Variants in EDA observed in about 807,000 individuals in gnomAD.
The protein encoded by EDA is ectodysplasin-A.
Under a neutral mutation model 23.6 loss-of-function variants are expected in EDA, and 2 were observed. The observed-to-expected ratio is 0.08, with a 90% confidence interval of 0.03 to 0.27. The LOEUF is 0.27. Among genes scored for constraint, EDA ranks in the 10% least tolerant of loss-of-function variants. The pLI, the probability that EDA is intolerant of heterozygous loss-of-function variation, is 1.00. For synonymous variants in EDA, 131 were observed against 132.0 expected (o/e 0.99, Z 0.05); for missense variants, 229 against 324.2 (o/e 0.71, Z 2.26).
intron 1 of EDA, among the ~76,000 whole-genome samples, chrX:69,686,653 C>G (rs960320771): frequency 1.8e-5 from 2 of 111,367 alleles, no homozygotes; most frequent in African/African-American, 6.5e-5. Flanking sequence ...ATAGATTTGA[C>G]CATTCTGGAC....
chrX:69,908,580 C>T (rs978193964), intron 1 of EDA, among the ~76,000 whole-genome samples: 1 of 110,133 alleles, frequency 9.1e-6, no homozygotes, highest in Non-Finnish European at 1.9e-5. Context: ...TACCATACTT[C>T]AGGAATCACT....
intron 1 of EDA, chrX:69,693,014 G>A (rs1346300673): frequency 8.9e-6 from 1 of 111,863 alleles, no homozygotes; most frequent in Non-Finnish European, 1.9e-5. Context: ...TTCTTTGAAT[G>A]TATAGAGCAC....
intron 1 of EDA, chrX:69,756,907 A>G (rs1213947727): frequency 2.7e-5 from 3 of 111,935 alleles, no homozygotes; most frequent in Admixed American, 9.5e-5. Context: ...GGGAAGAGGT[A>G]TGAGAGGTTT....
At chrX:69,727,148 C>G (rs2490728) in intron 1 of EDA, among the ~76,000 whole-genome samples, 2 of 111,028 alleles carry the variant, frequency 1.8e-5, no homozygotes, top group Admixed American at 1.9e-4. Context: ...CCCCAGAGTT[C>G]GGCTGTCCGC....
At chrX:69,755,348 G>A (rs748668947) in intron 1 of EDA, among the ~76,000 whole-genome samples, 1 of 111,647 alleles carries the variant, frequency 9.0e-6, no homozygotes, top group South Asian at 3.8e-4. Flanking sequence ...GTTTTTGCCA[G>A]GGTATCACCA....
chrX:69,967,889 G>A (rs2019196626), intron 2 of EDA, among the ~76,000 whole-genome samples: 1 of 111,853 alleles, frequency 8.9e-6, no homozygotes. Flanking sequence ...GAAAGATGTT[G>A]GCAACGCTGG....
chrX:69,715,392 C>T (rs1353713835), intron 1 of EDA, among the ~76,000 whole-genome samples: 1 of 111,188 alleles, frequency 9.0e-6, no homozygotes, highest in East Asian at 2.8e-4. Context: ...GCCTCAAGCT[C>T]CATCCATGTT....
chrX:69,913,344 G>A (rs1466867961), intron 1 of EDA, among the ~76,000 whole-genome samples: 1 of 112,425 alleles, frequency 8.9e-6, no homozygotes, highest in Non-Finnish European at 1.9e-5. Context: ...ATAACCTGCT[G>A]CAGCATCTAT....
intron 1 of EDA, among the ~76,000 whole-genome samples, chrX:69,784,114 C>G (rs1432374794): frequency 1.0e-5 from 1 of 95,515 alleles, no homozygotes; most frequent in Non-Finnish European, 2.2e-5. Context: ...TGTTCATGTC[C>G]TTCACCCACT....
chrX:70,010,235 C>A (rs2019857239), intron 2 of EDA, among the ~76,000 whole-genome samples: 1 of 111,912 alleles, frequency 8.9e-6, no homozygotes, highest in Admixed American at 9.5e-5. Flanking sequence ...ATAGTAGATT[C>A]CTCTATTTCT....
chrX:69,628,570 G>T (rs1224944713), intron 1 of EDA, among the ~76,000 whole-genome samples: 1 of 111,274 alleles, frequency 9.0e-6, no homozygotes, highest in Non-Finnish European at 1.9e-5. Flanking sequence ...TTTCTGTTTG[G>T]ATTCCCAGCT....
At chrX:69,643,333 G>A (rs1932862903) in intron 1 of EDA, among the ~76,000 whole-genome samples, 2 of 109,694 alleles carry the variant, frequency 1.8e-5, no homozygotes, top group Non-Finnish European at 3.8e-5. Context: ...TTTGTTACAT[G>A]GGTAAACATG....
At chrX:69,620,968 A>G (rs1368209990) in intron 1 of EDA, 1 of 360,415 alleles carries the variant, frequency 2.8e-6, no homozygotes, top group Admixed American at 3.1e-5. Flanking sequence ...GTTCCACTGG[A>G]AATGTTTCAC....
chrX:69,688,800 G>A (rs891186425), intron 1 of EDA, among the ~76,000 whole-genome samples: 1 of 112,108 alleles, frequency 8.9e-6, no homozygotes, highest in African/African-American at 3.2e-5. Flanking sequence ...TGAAACTGCA[G>A]AAGTAGCAAG....
At chrX:70,032,013 C>T (rs956554675) in intron 6 of EDA, among the ~76,000 whole-genome samples, 1 of 111,184 alleles carries the variant, frequency 9.0e-6, no homozygotes, top group Non-Finnish European at 1.9e-5. Context: ...AATCCCAGCA[C>T]TTTGGGAGGC....
intron 2 of EDA, among the ~76,000 whole-genome samples, chrX:69,964,102 C>T (rs911743124): frequency 1.8e-5 from 2 of 110,975 alleles, no homozygotes; most frequent in African/African-American, 3.3e-5. Context: ...ATTTTTTTCT[C>T]AATATTAGGG....
At chrX:69,918,427 G>C (rs996292799) in intron 1 of EDA, among the ~76,000 whole-genome samples, 1 of 111,603 alleles carries the variant, frequency 9.0e-6, no homozygotes, top group Non-Finnish European at 1.9e-5. Flanking sequence ...AAAGTGCTGG[G>C]ATTACAGGTG....
chrX:69,817,808 G>C (rs968661932), intron 1 of EDA, among the ~76,000 whole-genome samples: 1 of 111,252 alleles, frequency 9.0e-6, no homozygotes, highest in Non-Finnish European at 1.9e-5. Context: ...TATTAGACAG[G>C]TCATTGAGAC....
intron 1 of EDA, among the ~76,000 whole-genome samples, chrX:69,874,657 GAGAA>G (rs779609627): frequency 9.0e-5 from 10 of 111,589 alleles, no homozygotes; most frequent in Non-Finnish European, 1.1e-4. Context: ...AATCAGACAA[GAGAA>G]AGAAAGAAAG....
Sources: gnomAD v4.1 joint callset for allele counts (sites outside exome capture counted in the v4.1 genomes callset) on GRCh38, gnomAD v4.1.1 for gene constraint, MANE v1.5 for transcripts, NCBI Gene and HGNC (gene_info 2026-07-23, HGNC 2026-07-21) for gene names.